The following TAFA1 variants were observed in gnomAD, a reference collection of about 807,000 sequenced individuals.
The protein encoded by TAFA1 is chemokine-like protein TAFA-1.
TAFA1 carries 4 observed loss-of-function variants against 18.5 expected under a neutral mutation model. That is an observed-to-expected ratio of 0.22 (90% CI 0.11 to 0.49). The LOEUF is 0.49. Among genes scored for constraint, TAFA1 ranks in the 20% least tolerant of loss-of-function variants. TAFA1 has a pLI of 0.98. For missense variants in TAFA1, 147 were observed against 169.0 expected (o/e 0.87, Z 0.72); for synonymous variants, 56 against 55.2 (o/e 1.01, Z -0.06).
chr3:68,310,971 A>G (rs916990734), intron 2 of TAFA1, among the ~76,000 whole-genome samples: 20 of 152,174 alleles, frequency 1.3e-4, no homozygotes, highest in Non-Finnish European at 2.6e-4. Context: ...ATTTAAAAAG[A>G]AAGAGGTTTA....
chr3:68,196,420 G>A (rs1014799217), intron 2 of TAFA1, among the ~76,000 whole-genome samples: 2 of 151,658 alleles, frequency 1.3e-5, no homozygotes, highest in African/African-American at 2.4e-5. Flanking sequence ...GTCAATTTTG[G>A]TGATACTTAT....
At chr3:68,003,474 A>G (rs1186265948), upstream of TAFA1, among the ~76,000 whole-genome samples, 1 of 152,202 alleles carries the variant, frequency 6.6e-6, no homozygotes, top group Non-Finnish European at 1.5e-5. Flanking sequence ...GGCACCTAAC[A>G]CATAGTAGGT....
chr3:68,043,723 T>C (rs995675064), intron 2 of TAFA1, among the ~76,000 whole-genome samples: 1 of 152,214 alleles, frequency 6.6e-6, no homozygotes, highest in Non-Finnish European at 1.5e-5. Context: ...TACAGGCTCT[T>C]GGATGTTGCT....
At chr3:68,459,565 T>C (rs2071735457) in intron 3 of TAFA1, among the ~76,000 whole-genome samples, 1 of 152,182 alleles carries the variant, frequency 6.6e-6, no homozygotes, top group East Asian at 1.9e-4. Context: ...TGAATAAATA[T>C]AACTAAATCC....
intron 2 of TAFA1, among the ~76,000 whole-genome samples, chr3:68,125,650 A>AATTCTTTTAAC (rs2065455193): frequency 6.6e-6 from 1 of 152,144 alleles, no homozygotes; most frequent in Non-Finnish European, 1.5e-5. Flanking sequence ...ATTCTTGTTA[A>AATTCTTTTAAC]AAGAATTTAA....
At chr3:68,072,588 A>T (rs2064770462) in intron 2 of TAFA1, among the ~76,000 whole-genome samples, 2 of 152,206 alleles carry the variant, frequency 1.3e-5, no homozygotes, top group Non-Finnish European at 2.9e-5. Flanking sequence ...TTAGGAGATA[A>T]AATAGGCACG....
chr3:68,424,219 A>G (rs1392453075), intron 3 of TAFA1, among the ~76,000 whole-genome samples: 1 of 152,010 alleles, frequency 6.6e-6, no homozygotes, highest in Non-Finnish European at 1.5e-5. Context: ...TGAGACAGAG[A>G]AGACATACAT....
At chr3:68,027,223 A>G (rs1704835661) in intron 2 of TAFA1, among the ~76,000 whole-genome samples, 1 of 152,100 alleles carries the variant, frequency 6.6e-6, no homozygotes, top group African/African-American at 2.4e-5. Flanking sequence ...CTTCTCTAAG[A>G]CGTGAGAGGT....
At chr3:68,435,846 C>T (rs6549127) in intron 3 of TAFA1, among the ~76,000 whole-genome samples, 34,125 of 152,132 alleles carry the variant, frequency 0.22, 4,558 homozygotes, top group East Asian at 0.63. Context: ...CATGTAAAAA[C>T]AGGCCCTTCA....
intron 4 of TAFA1, among the ~76,000 whole-genome samples, chr3:68,541,331 G>A (rs977731180): frequency 1.3e-5 from 2 of 152,154 alleles, no homozygotes; most frequent in Non-Finnish European, 2.9e-5. Context: ...ACTAAGTCCA[G>A]ATGATGTATA....
At chr3:68,518,829 G>A (rs2072970033) in intron 3 of TAFA1, among the ~76,000 whole-genome samples, 1 of 152,166 alleles carries the variant, frequency 6.6e-6, no homozygotes, top group Non-Finnish European at 1.5e-5. Flanking sequence ...AAAAAATTGG[G>A]ATTACTGCTG....
intron 3 of TAFA1, among the ~76,000 whole-genome samples, chr3:68,427,471 G>A (rs902303921): frequency 1.3e-5 from 2 of 151,858 alleles, no homozygotes; most frequent in African/African-American, 4.8e-5. Context: ...ACTGGAAGCT[G>A]CCAAGGATAC....
At chr3:68,272,543 T>G (rs989529953) in intron 2 of TAFA1, among the ~76,000 whole-genome samples, 1 of 152,160 alleles carries the variant, frequency 6.6e-6, no homozygotes, top group African/African-American at 2.4e-5. Flanking sequence ...CAATGCAAAT[T>G]AGGGAAAACA....
chr3:68,394,838 TA>T (rs2070341362), intron 2 of TAFA1, among the ~76,000 whole-genome samples: 2 of 152,066 alleles, frequency 1.3e-5, no homozygotes, highest in South Asian at 4.1e-4. Flanking sequence ...CCTAAAACCA[TA>T]AAAACTCTAG....
intron 2 of TAFA1, among the ~76,000 whole-genome samples, chr3:68,075,131 C>T (rs1298168283): frequency 6.6e-6 from 1 of 152,122 alleles, no homozygotes; most frequent in Non-Finnish European, 1.5e-5. Context: ...CTTTTGTATA[C>T]AATATTGCAC....
intron 2 of TAFA1, among the ~76,000 whole-genome samples, chr3:68,106,514 A>G (rs2065206479): frequency 6.6e-6 from 1 of 152,158 alleles, no homozygotes; most frequent in Non-Finnish European, 1.5e-5. Flanking sequence ...ATTATAGCTA[A>G]TACATATTTG....
intron 2 of TAFA1, among the ~76,000 whole-genome samples, chr3:68,310,533 GT>G: frequency 6.6e-6 from 1 of 151,884 alleles, no homozygotes; most frequent in East Asian, 1.9e-4. Flanking sequence ...AGTTTATATT[GT>G]TGAAGTAGTT....
intron 3 of TAFA1, among the ~76,000 whole-genome samples, chr3:68,432,599 A>G (rs2071197827): frequency 6.6e-6 from 1 of 152,038 alleles, no homozygotes; most frequent in Non-Finnish European, 1.5e-5. Flanking sequence ...GAGAAACAAA[A>G]AGAAGCTGGT....
chr3:68,106,170 A>AG lies in TAFA1; in HGVS notation c.118+99427dup, dbSNP rs567848625. The stretch of plus-strand genomic sequence containing the variant: ...TTTGGAATTCATATGCAAAAAAAAA[A>AG]GAACGAACGAAACCACAAACAAATA... On this transcript the variant is annotated intron_variant, in intron 2 of 4. Coordinates refer to ENST00000478136, the MANE Select transcript of TAFA1 (RefSeq NM_213609.4). 2.1e-3 allele frequency among the ~76,000 whole-genome samples: 320 copies of AG among 151,808 alleles called. 2 individuals are homozygous for AG. The highest frequency in any genetic ancestry group is 6.4e-3 in the African/African-American group (264 of 41,450).
Sources: gnomAD v4.1 joint callset for allele counts (sites outside exome capture counted in the v4.1 genomes callset) on GRCh38, gnomAD v4.1.1 for gene constraint, MANE v1.5 for transcripts, NCBI Gene and HGNC (gene_info 2026-07-23, HGNC 2026-07-21) for gene names.